The following TBC1D9B variants were observed in gnomAD, a reference collection of about 807,000 sequenced individuals.
TBC1D9B encodes the protein TBC1 domain family member 9B, also known as TBC1 domain family, member 9B (with GRAM domain).
A neutral mutation model predicts 121.1 loss-of-function variants in TBC1D9B; 87 were observed. The observed-to-expected ratio is 0.72, with a 90% CI of 0.60 to 0.86. TBC1D9B has a LOEUF of 0.86. Among genes scored for constraint, TBC1D9B ranks in the 40% least tolerant of loss-of-function variants. TBC1D9B has a pLI of 0.00. For synonymous variants in TBC1D9B, 668 were observed against 670.1 expected (o/e 1.00, Z 0.05); for missense variants, 1,540 against 1,628.6 (o/e 0.95, Z 0.94).
Position 179,893,412 on chromosome 5 carries a change from C to G in TBC1D9B, c.633G>C (p.Leu211=), listed in dbSNP as rs777638841. 1 of 1,613,958 alleles carries G rather than the reference C, an allele frequency of 6.2e-7. No individual in the cohort carries two copies. The highest frequency in any genetic ancestry group is 8.5e-7 in the Non-Finnish European group (1 of 1,179,876). ...DITRLEKNAT[L]LFPESIRVDT... is the part of the protein sequence containing the mutation. ...CCACACGGATGCTCTCGGGGAAGAG[C>G]AGGGTGGCGTTCTTCTCCAGACGCG... Residue 211 remains leucine, a synonymous_variant, in exon 5 of 21, where the codon CTG becomes CTC. Transcript: ENST00000355235.
chr5:179,906,955 C>T (rs1225795991), intron 1 of TBC1D9B, among the ~76,000 whole-genome samples: 1 of 152,214 alleles, frequency 6.6e-6, no homozygotes, highest in Non-Finnish European at 1.5e-5. Context: ...GCATGAGGGG[C>T]CCCGGACACC....
intron 7 of TBC1D9B, chr5:179,880,134 T>A (rs1031843460): frequency 1.6e-5 from 5 of 304,080 alleles, no homozygotes; most frequent in Non-Finnish European, 3.1e-5. Context: ...GGCACACCCC[T>A]GCCCACCCTC....
intron 15 of TBC1D9B, 29 bp downstream of exon 15, chr5:179,871,433 C>A (rs76584975): frequency 4.6e-5 from 74 of 1,607,732 alleles, no homozygotes; most frequent in African/African-American, 9.3e-5. Context: ...AAGCTAGGAA[C>A]GGGTCCTGCC....
rs1392953826 is a variant in TBC1D9B, at chr5:179,907,831, G to A, written c.-10C>T. 6 of 1,138,834 alleles carry A rather than the reference G, an allele frequency of 5.3e-6. No individual in the cohort carries two copies. The highest frequency in any genetic ancestry group is 3.5e-5 in the Admixed American group (1 of 28,982). The allele number at this position is 1,138,834 out of a possible 1,614,324, so 70.5% of individuals were successfully genotyped here. On this transcript the variant is annotated 5_prime_UTR_variant, in exon 1 of 21. Transcript: ENST00000355235. The surrounding 1 kb of genome is among the most constrained non-coding windows in gnomAD (Gnocchi z 5.3). ...CCGGGCTCAGCCACATCGCGGAGCC[G>A]CTCGCACCGGGCCGAGGCCCGCGAG...
chr5:179,890,063 G>A lies in TBC1D9B; in HGVS notation c.1044+1316C>T, dbSNP rs1217775291. 6.6e-6 allele frequency among the ~76,000 whole-genome samples: 1 copy of A among 152,066 alleles called. No individual in the cohort carries two copies. The highest frequency in any genetic ancestry group is 1.9e-4 in the East Asian group (1 of 5,190). ...TAGGCCGATACGTGGCTTTTACCTG[G>A]GCAAAGGGTGGAAGAGGGGTCACTT... On this transcript the variant is annotated intron_variant, in intron 6 of 20. Transcript: ENST00000355235. This position sits in a 1 kb window ranked among gnomAD's most constrained non-coding sequence, Gnocchi z 5.0.
chr5:179,869,210 C>T (rs1280858560), intron 17 of TBC1D9B: 1 of 225,406 alleles, frequency 4.4e-6, no homozygotes, highest in East Asian at 1.2e-4. Flanking sequence ...CCTGCCTGCG[C>T]CTTTGTTTCC....
At position 179,863,659 on chromosome 5, in the gene TBC1D9B, G is replaced by T. The variant is rs999574922; in HGVS notation, c.3491C>A (p.Ala1164Asp). The change falls in exon 21 of 21, where the codon GCC becomes GAC. Residue 1164 changes from alanine to aspartate, a missense_variant. Coordinates refer to ENST00000355235, the MANE Select transcript of TBC1D9B (RefSeq NM_015043.4). The surrounding 1 kb of genome is among the most constrained non-coding windows in gnomAD (Gnocchi z 4.5). ...GCCGATGCGCGCTGTGGGGCTGCAGGCCTCCCCGCCCACCAGCACCGTGTC... is the reference window on the plus strand; with the variant it reads ...GCCGATGCGCGCTGTGGGGCTGCAGTCCTCCCCGCCCACCAGCACCGTGTC... Reference protein sequence around the residue: ...ADDTVLVGGEACSPTARIGGT... With the variant: ...ADDTVLVGGEDCSPTARIGGT... The T allele has an allele frequency of 6.2e-7, 1 of 1,613,762 alleles. No homozygotes were observed. The highest frequency in any genetic ancestry group is 1.7e-5 in the Admixed American group (1 of 60,024).
chr5:179,866,780 T>C (rs1378050839), intron 18 of TBC1D9B: 1 of 152,608 alleles, frequency 6.6e-6, no homozygotes, highest in Admixed American at 6.5e-5. Context: ...CCTCTGCCAC[T>C]GTCACCAGGA....
chr5:179,872,848 G>GGGCCC, intron 14 of TBC1D9B, 44 bp downstream of exon 14: 1 of 1,457,252 alleles, frequency 6.9e-7, no homozygotes, highest in Non-Finnish European at 9.5e-7. Context: ...AGGCACTGCT[G>GGGCCC]CCCCCCCAGC....
chr5:179,869,624 C>T (rs1421499836), intron 17 of TBC1D9B, 145 bp downstream of exon 17: 3 of 874,658 alleles, frequency 3.4e-6, no homozygotes, highest in Non-Finnish European at 5.6e-6. Context: ...CAAGCTCCCG[C>T]TCCCTCTCCT....
chr5:179,905,390 GACTC>G (rs879484098), intron 1 of TBC1D9B, among the ~76,000 whole-genome samples: 13 of 152,164 alleles, frequency 8.5e-5, no homozygotes, highest in Admixed American at 7.2e-4. Context: ...CCTTTGCCAT[GACTC>G]ACTGATTTTT....
chr5:179,879,473 C>T, intron 8 of TBC1D9B, 155 bp downstream of exon 8: 1 of 1,238,026 alleles, frequency 8.1e-7, no homozygotes, highest in Non-Finnish European at 1.1e-6. Flanking sequence ...AGAGTGCCTG[C>T]TCCGTCTCAC....
At position 179,893,544 on chromosome 5, in the gene TBC1D9B, A is replaced by G. The variant is rs1760933038; in HGVS notation, c.578-77T>C. Reference sequence around the variant, plus strand: ...CTCCTGATGCCCATCTGTACCCCAGACCCATCCCAGGGAACTGCTCTCTGG... The same window carrying G: ...CTCCTGATGCCCATCTGTACCCCAGGCCCATCCCAGGGAACTGCTCTCTGG... On this transcript the variant is annotated intron_variant, in intron 4 of 20. Transcript: ENST00000355235. 8 of 1,519,342 alleles carry G rather than the reference A, an allele frequency of 5.3e-6. No homozygotes were observed. The East Asian group carries it at 1.8e-4, about 35-fold the overall frequency. 94.1% of individuals were successfully genotyped at this position (1,519,342 alleles called of 1,614,324 possible).
chr5:179,863,009 G>GC lies in TBC1D9B; in HGVS notation c.*438dup. 7.7e-6 allele frequency: 2 copies of GC among 258,230 alleles called. No homozygotes were observed. The highest frequency in any genetic ancestry group is 4.6e-5 in the Admixed American group (1 of 21,710). 16.0% of individuals were successfully genotyped at this position (258,230 alleles called of 1,614,324 possible). A position where few individuals can be genotyped will look rare whatever the true frequency, so the allele number is the denominator to read the frequency against. On this transcript the variant is annotated 3_prime_UTR_variant, in exon 21 of 21. Transcript: ENST00000355235. The surrounding 1 kb of genome is among the most constrained non-coding windows in gnomAD (Gnocchi z 4.5). ...TCACTTTGGTGCCCAACAAGCACAT[G>GC]CCCCCCAACCTGGTGCCAAGAGGCA...
chr5:179,871,751 G>T, intron 14 of TBC1D9B: 1 of 500,470 alleles, frequency 2.0e-6, no homozygotes. Context: ...TCCTTTCCAG[G>T]ATGGGCGTGG....
rs751575649 is a variant in TBC1D9B, at chr5:179,871,438, C to A, written c.2484+24G>T. On this transcript the variant is annotated intron_variant, in intron 15 of 20. Transcript: ENST00000355235. ...GGAAGCTAGGAAGCTAGGAACGGGT[C>A]CTGCCCTGGCTCTGAGCTGTCACCT... 12 of 1,610,396 alleles carry A rather than the reference C, an allele frequency of 7.5e-6. No individual in the cohort carries two copies. The Admixed American group carries it at 2.0e-4, about 27-fold the overall frequency.
chr5:179,888,153 G>A lies in TBC1D9B; in HGVS notation c.1204C>T (p.Pro402Ser). 1 of 1,613,808 alleles carries A rather than the reference G, an allele frequency of 6.2e-7. No homozygotes were observed. Among genetic ancestry groups the A allele is most frequent in the Non-Finnish European group, 8.5e-7 (1 of 1,179,924 alleles). Reference protein sequence around the residue: ...DFLQKTPSKQPGSIGSRKASV... With the variant: ...DFLQKTPSKQSGSIGSRKASV... ...GCTTTCCTGCTCCCGATACTGCCTG[G>A]CTGCTTGGATGGTGTTTTCTGGAGG... The change falls in exon 7 of 21, where the codon CCA becomes TCA. Residue 402 changes from proline (P) to serine (S), a missense_variant. By Grantham distance (74) the Pro-to-Ser change is moderately conservative. Transcript: ENST00000355235.
intron 3 of TBC1D9B, among the ~76,000 whole-genome samples, chr5:179,897,197 G>A (rs997679919): frequency 4.6e-5 from 7 of 152,138 alleles, no homozygotes; most frequent in African/African-American, 1.4e-4. Flanking sequence ...ATAAGCCACT[G>A]CGCCTGGCCC....
At chr5:179,868,569 C>T (rs1760090206) in intron 17 of TBC1D9B, 1 of 152,294 alleles carries the variant, frequency 6.6e-6, no homozygotes, top group South Asian at 2.1e-4. Context: ...CAGTGACCAT[C>T]TGGCCAGTGG....
Sources: allele counts gnomAD v4.1 joint callset (sites outside exome capture counted in the v4.1 genomes callset), GRCh38; gene constraint gnomAD v4.1.1; non-coding constraint Gnocchi (gnomAD v3.1); transcripts MANE v1.5; gene names NCBI Gene and HGNC (gene_info 2026-07-23, HGNC 2026-07-21).